Variants in TMEM200A observed in about 807,000 individuals in gnomAD.
TMEM200A encodes the protein two transmembrane C.
In TMEM200A, 12 loss-of-function variants were observed where a neutral mutation model predicts 24.3. That is an observed-to-expected ratio of 0.49 (90% CI 0.32 to 0.80). The LOEUF (loss-of-function observed/expected upper bound fraction) is 0.80, where lower values mean the gene tolerates loss of function less well. Ranked by LOEUF, TMEM200A falls within the 30% of genes least tolerant of loss-of-function variation. The pLI, the probability that TMEM200A is intolerant of heterozygous loss-of-function variation, is 0.04. For synonymous variants in TMEM200A, 224 were observed against 224.4 expected (o/e 1.00, Z 0.02); for missense variants, 545 against 614.4 (o/e 0.89, Z 1.19).
intron 2 of TMEM200A, among the ~76,000 whole-genome samples, chr6:130,409,585 T>C (rs548485834): frequency 1.3e-5 from 2 of 152,206 alleles, no homozygotes; most frequent in Non-Finnish European, 2.9e-5. Flanking sequence ...AAAGATTTGA[T>C]GGACAGGTAA....
chr6:130,414,125 T>C (rs1004201823), intron 2 of TMEM200A, among the ~76,000 whole-genome samples: 2 of 152,064 alleles, frequency 1.3e-5, no homozygotes, highest in African/African-American at 4.8e-5. Context: ...TGAATGTAAT[T>C]ATGACATTAA....
intron 2 of TMEM200A, among the ~76,000 whole-genome samples, chr6:130,406,395 C>G (rs1779211686): frequency 6.6e-6 from 1 of 152,034 alleles, no homozygotes; most frequent in Non-Finnish European, 1.5e-5. Flanking sequence ...GTTGATTCCC[C>G]CTTGCATTTC....
At chr6:130,435,689 G>GC (rs1779985843) in intron 2 of TMEM200A, among the ~76,000 whole-genome samples, 1 of 152,220 alleles carries the variant, frequency 6.6e-6, no homozygotes, top group Admixed American at 6.5e-5. Context: ...GATTTTGGAA[G>GC]CCAGGCTTAG....
chr6:130,369,010 G>A (rs557681930), intron 1 of TMEM200A, among the ~76,000 whole-genome samples: 15 of 152,328 alleles, frequency 9.8e-5, no homozygotes, highest in Non-Finnish European at 1.9e-4. Flanking sequence ...TGTGTGTGTA[G>A]GAGGGTGGTT....
At position 130,411,323 on chromosome 6, in the gene TMEM200A, A is replaced by G. The variant is rs561665695; in HGVS notation, c.-17+26087A>G. ...AGTTTTTTTTAAATTTTATAATTAC[A>G]GAAATTTTGCAAGTACAGTACAAAA... On this transcript the variant is annotated intron_variant, in intron 2 of 2. Coordinates refer to ENST00000296978, the MANE Select transcript of TMEM200A (RefSeq NM_001258277.2). Among the ~76,000 whole-genome samples, 5 of 152,352 alleles carry G rather than the reference A, an allele frequency of 3.3e-5. No individual in the cohort carries two copies. In the East Asian group the frequency reaches 9.6e-4, roughly 29 times the overall value.
chr6:130,381,907 G>C, intron 1 of TMEM200A: 5 of 985,390 alleles, frequency 5.1e-6, no homozygotes, highest in Middle Eastern at 5.2e-4. Flanking sequence ...CCTGTCTGCA[G>C]CTTCTCTGAT....
At chr6:130,435,056 A>G (rs1297380988) in intron 2 of TMEM200A, among the ~76,000 whole-genome samples, 4 of 85,268 alleles carry the variant, frequency 4.7e-5, no homozygotes, top group African/African-American at 3.3e-4. Context: ...CTGGGAATGA[A>G]AAAAAAAAAA....
intron 2 of TMEM200A, among the ~76,000 whole-genome samples, chr6:130,433,075 C>T (rs141618007): frequency 4.2e-4 from 64 of 152,072 alleles, no homozygotes; most frequent in South Asian, 1.0e-3. Context: ...GACATGGGCC[C>T]CTGTCTCTCT....
chr6:130,387,183 G>C (rs1302996173), intron 2 of TMEM200A, among the ~76,000 whole-genome samples: 1 of 152,186 alleles, frequency 6.6e-6, no homozygotes, highest in Non-Finnish European at 1.5e-5. Flanking sequence ...TGTGTTTATA[G>C]TAAAAATAAT....
At chr6:130,427,577 G>A (rs1779775971) in intron 2 of TMEM200A, among the ~76,000 whole-genome samples, 1 of 152,018 alleles carries the variant, frequency 6.6e-6, no homozygotes, top group Non-Finnish European at 1.5e-5. Context: ...AGCAGGCAGG[G>A]GGTGGCAAAG....
At chr6:130,432,767 G>A (rs1408335637) in intron 2 of TMEM200A, among the ~76,000 whole-genome samples, 2 of 152,116 alleles carry the variant, frequency 1.3e-5, no homozygotes, top group Non-Finnish European at 2.9e-5. Context: ...TATCACTCAC[G>A]TAGACCTTAA....
chr6:130,379,280 AAGG>A (rs1030469773), intron 1 of TMEM200A, among the ~76,000 whole-genome samples: 32 of 152,320 alleles, frequency 2.1e-4, no homozygotes, highest in African/African-American at 7.2e-4. Flanking sequence ...CAATTTAGAA[AAGG>A]AGAAGAGGAG....
rs530268052 is a variant in TMEM200A, at chr6:130,396,725, A to C, written c.-17+11489A>C. On this transcript the variant is annotated intron_variant, in intron 2 of 2. Coordinates refer to ENST00000296978, the MANE Select transcript of TMEM200A (RefSeq NM_001258277.2). ...CTAAGGTTTTATATTTAATAGTGAA[A>C]TATTTCAGGTATACAAAAATATACA... is the stretch of plus-strand genomic sequence containing the variant. Among the ~76,000 whole-genome samples the C allele has an allele frequency of 1.6e-3, 250 of 152,262 alleles. 2 individuals are homozygous for C. Among genetic ancestry groups the C allele is most frequent in the African/African-American group, 5.9e-3 (245 of 41,564 alleles).
chr6:130,441,066 G>A lies in TMEM200A; in HGVS notation c.644G>A (p.Gly215Asp), dbSNP rs1321519056. The change falls in exon 3 of 3, where the codon GGT becomes GAT. Residue 215 changes from glycine (G) to aspartate (D), a missense_variant. Coordinates refer to ENST00000296978, the MANE Select transcript of TMEM200A (RefSeq NM_001258277.2). Reference sequence around the variant, plus strand: ...GCAAATACGATCGCCTCTTTCTCGGGTTTTCGGAGCAGTTTTCGAATGGAC... The same window carrying A: ...GCAAATACGATCGCCTCTTTCTCGGATTTTCGGAGCAGTTTTCGAATGGAC... ...LAANTIASFS[G>D]FRSSFRMDSS... 2 of 1,613,988 alleles carry A rather than the reference G, an allele frequency of 1.2e-6. No individual in the cohort carries two copies. The highest frequency in any genetic ancestry group is 2.7e-5 in the African/African-American group (2 of 75,046).
At chr6:130,383,798 G>A (rs183300986) in intron 1 of TMEM200A, among the ~76,000 whole-genome samples, 34 of 152,014 alleles carry the variant, frequency 2.2e-4, no homozygotes, top group African/African-American at 8.0e-4. Flanking sequence ...ATAGAACCTC[G>A]TAGGAATAAT....
intron 2 of TMEM200A, among the ~76,000 whole-genome samples, chr6:130,398,500 C>T (rs937965052): frequency 6.6e-6 from 1 of 151,666 alleles, no homozygotes; most frequent in Admixed American, 6.6e-5. Flanking sequence ...GTAGAATATA[C>T]TCAGTATACT....
At chr6:130,421,394 T>A (rs1297789401) in intron 2 of TMEM200A, 1 of 152,160 alleles carries the variant, frequency 6.6e-6, no homozygotes, top group East Asian at 1.9e-4. Context: ...GTTTGTTTTT[T>A]AAATTGAAAT....
At chr6:130,398,716 C>T (rs1007816036) in intron 2 of TMEM200A, among the ~76,000 whole-genome samples, 5 of 151,620 alleles carry the variant, frequency 3.3e-5, no homozygotes, top group African/African-American at 4.8e-5. Context: ...GGTTTTGATT[C>T]GAATTTCTGT....
upstream of TMEM200A, chr6:130,365,867 CTG>C (rs1778123120): frequency 1.0e-6 from 1 of 985,530 alleles, no homozygotes; most frequent in Non-Finnish European, 1.2e-6. Context: ...GGTGGCAGGA[CTG>C]GGGTTTCCCA....
Sources: allele counts gnomAD v4.1 joint callset (sites outside exome capture counted in the v4.1 genomes callset), GRCh38; gene constraint gnomAD v4.1.1; transcripts MANE v1.5; gene names NCBI Gene and HGNC (gene_info 2026-07-23, HGNC 2026-07-21).